Variants in CTBP2 observed in about 807,000 individuals in gnomAD.
CTBP2 encodes C-terminal-binding protein 2.
Under a neutral mutation model 80.3 loss-of-function variants are expected in CTBP2, and 30 were observed. The observed-to-expected ratio is 0.37, with a 90% CI of 0.28 to 0.51. The LOEUF (loss-of-function observed/expected upper bound fraction) is 0.51. Ranked by LOEUF, CTBP2 falls within the 20% of genes least tolerant of loss-of-function variation. The pLI, the probability that CTBP2 is intolerant of heterozygous loss-of-function variation, is 0.93. For synonymous variants in CTBP2, 594 were observed against 587.4 expected, an observed-to-expected ratio of 1.01 and a Z score of -0.16; for missense variants, 1,212 against 1,375.3, an observed-to-expected ratio of 0.88 and a Z score of 1.88.
At position 125,002,981 on chromosome 10, in the gene CTBP2, T is replaced by G. The variant is rs1455608344; in HGVS notation, c.1957A>C (p.Ile653Leu). 1 of 1,613,420 alleles carries G rather than the reference T, an allele frequency of 6.2e-7. No individual in the cohort carries two copies. The highest frequency in any genetic ancestry group is 8.5e-7 in the Non-Finnish European group (1 of 1,179,956). Reference sequence around the variant, plus strand: ...TCACCGAGCTCGCCGGCAGCCTTGATGTCCACGTTGTCATAGCCACTGCCT... The same window carrying G: ...TCACCGAGCTCGCCGGCAGCCTTGAGGTCCACGTTGTCATAGCCACTGCCT... Residue 653 changes from isoleucine (I) to leucine (L), a missense_variant, in exon 3 of 9, where the codon ATC becomes CTC. This residue lies in a region of CTBP2 where 335 missense variants were observed against 504.7 expected (regional missense o/e 0.66). Transcript: ENST00000309035.
At chr10:124,992,190 C>T (rs1322480481) in intron 8 of CTBP2, among the ~76,000 whole-genome samples, 1 of 142,746 alleles carries the variant, frequency 7.0e-6, no homozygotes, top group Non-Finnish European at 1.5e-5. Flanking sequence ...TCTACGTATA[C>T]CTTTCTCTTT....
intron 2 of CTBP2, among the ~76,000 whole-genome samples, chr10:125,048,676 T>A (rs1961882277): frequency 6.6e-6 from 1 of 152,080 alleles, no homozygotes; most frequent in African/African-American, 2.4e-5. Flanking sequence ...AAATGATTTT[T>A]CCATTACGTC....
In CTBP2 at chr10:124,998,076, C is replaced by A; in HGVS notation, c.2073G>T (p.Trp691Cys). ...TGCCTTCCCGCAGTGCCTGGTACAG[C>A]CACGTGTTCCTCCGGTACAGGTTGA... The change falls in exon 4 of 9, where the codon TGG (tryptophan) becomes TGT (cysteine). Residue 691 changes from tryptophan to cysteine, a missense_variant. By Grantham distance (215) the Trp-to-Cys change is radical (BLOSUM62 -2). This residue lies in a region of CTBP2 where 335 missense variants were observed against 504.7 expected (regional missense o/e 0.66). Transcript: ENST00000309035. 6.2e-7 allele frequency: 1 copy of A among 1,613,052 alleles called. No homozygotes were observed.
chr10:125,015,946 C>A (rs1189797272), intron 1 of CTBP2, among the ~76,000 whole-genome samples: 1 of 152,204 alleles, frequency 6.6e-6, no homozygotes, highest in African/African-American at 2.4e-5. Flanking sequence ...TCTAAAAAGG[C>A]CACAGGCAAC....
intron 1 of CTBP2, among the ~76,000 whole-genome samples, chr10:125,153,901 C>T (rs766101745): frequency 7.9e-5 from 12 of 152,160 alleles, no homozygotes; most frequent in African/African-American, 1.9e-4. Flanking sequence ...AGCACAGCCA[C>T]GATAAGCTGG....
chr10:125,100,131 A>G (rs886386170), intron 2 of CTBP2, among the ~76,000 whole-genome samples: 7 of 152,360 alleles, frequency 4.6e-5, no homozygotes, highest in Non-Finnish European at 7.3e-5. Context: ...ATCAATTAGC[A>G]TATTATAAAG....
intron 1 of CTBP2, among the ~76,000 whole-genome samples, chr10:125,137,705 T>A (rs1344459675): frequency 6.6e-6 from 1 of 152,246 alleles, no homozygotes; most frequent in Non-Finnish European, 1.5e-5. Flanking sequence ...CACAGGGAAT[T>A]CCTTTCAACA....
At chr10:125,111,302 C>A (rs1395839893) in intron 1 of CTBP2, among the ~76,000 whole-genome samples, 1 of 152,152 alleles carries the variant, frequency 6.6e-6, no homozygotes, top group Admixed American at 6.5e-5. Flanking sequence ...CAAATGAACC[C>A]TTTCCATCTA....
chr10:125,129,873 AC>A (rs2136117444), intron 1 of CTBP2, among the ~76,000 whole-genome samples: 1 of 152,200 alleles, frequency 6.6e-6, no homozygotes, highest in South Asian at 2.1e-4. Flanking sequence ...GGTCCAGGAC[AC>A]GGTCAGGGTT....
chr10:125,067,197 G>A (rs1844780577), intron 2 of CTBP2, among the ~76,000 whole-genome samples: 1 of 152,188 alleles, frequency 6.6e-6, no homozygotes, highest in Non-Finnish European at 1.5e-5. Context: ...ACAAACTGCA[G>A]TAGAGGGACA....
chr10:125,018,720 G>A (rs1007170039), intron 1 of CTBP2, among the ~76,000 whole-genome samples: 4 of 152,228 alleles, frequency 2.6e-5, no homozygotes, highest in African/African-American at 9.6e-5. Context: ...TGGGGTAGGT[G>A]CACCCCACCA....
intron 2 of CTBP2, among the ~76,000 whole-genome samples, chr10:125,098,762 G>GAC (rs1850123045): frequency 1.8e-4 from 23 of 128,182 alleles, no homozygotes; most frequent in African/African-American, 6.5e-4. Flanking sequence ...GAGAGAGAGA[G>GAC]AGAGAGAGAG....
intron 2 of CTBP2, among the ~76,000 whole-genome samples, chr10:125,043,404 T>C (rs1960394599): frequency 6.6e-6 from 1 of 152,162 alleles, no homozygotes; most frequent in African/African-American, 2.4e-5. Flanking sequence ...ATCAACTCAG[T>C]TTTATAGACC....
In CTBP2 at chr10:125,066,811, G is replaced by T. The variant is rs189943672; in HGVS notation, c.-101-27656C>A. Among the ~76,000 whole-genome samples the T allele has an allele frequency of 1.4e-4, 22 of 152,240 alleles. No homozygotes were observed. Among genetic ancestry groups the T allele is most frequent in the Admixed American group, 4.6e-4 (7 of 15,288 alleles). Reference sequence around the variant, plus strand: ...CAAAAAAGGAACTAGCCCATGTGTCGATCAGTAAATGCCTCAGGGTGAACT... The same window carrying T: ...CAAAAAAGGAACTAGCCCATGTGTCTATCAGTAAATGCCTCAGGGTGAACT... On this transcript the variant is annotated intron_variant, in intron 2 of 10. Transcript: ENST00000337195. The surrounding 1 kb of genome is among the most constrained non-coding windows in gnomAD (Gnocchi z 4.1).
intron 1 of CTBP2, among the ~76,000 whole-genome samples, chr10:125,004,343 C>A (rs1388005767): frequency 1.3e-5 from 2 of 152,196 alleles, no homozygotes; most frequent in Non-Finnish European, 2.9e-5. Context: ...CCTGCGGGGC[C>A]CGCCCAGGAT....
At chr10:125,090,493 T>C (rs967288138) in intron 2 of CTBP2, among the ~76,000 whole-genome samples, 7 of 149,458 alleles carry the variant, frequency 4.7e-5, no homozygotes, top group African/African-American at 1.5e-4. Flanking sequence ...GCCAGCGTGG[T>C]GGCTCACACC....
intron 4 of CTBP2, 187 bp downstream of exon 6, chr10:124,997,777 G>GC: frequency 1.6e-6 from 1 of 611,476 alleles, no homozygotes; most frequent in South Asian, 2.0e-5. Context: ...CCCAGATCCT[G>GC]CCTCTAGGGT....
chr10:125,006,046 G>A, intron 1 of CTBP2: 1 of 1,365,254 alleles, frequency 7.3e-7, no homozygotes, highest in Non-Finnish European at 9.5e-7. Flanking sequence ...TCAGTGCATG[G>A]ATCCGTTACC....
At chr10:125,052,116 A>G (rs1962922778) in intron 2 of CTBP2, among the ~76,000 whole-genome samples, 1 of 152,112 alleles carries the variant, frequency 6.6e-6, no homozygotes, top group South Asian at 2.1e-4. Flanking sequence ...GCTCGCACCT[A>G]TCGGTGGGGG....
Sources: allele counts gnomAD v4.1 joint callset (sites outside exome capture counted in the v4.1 genomes callset), GRCh38; gene constraint gnomAD v4.1.1; regional missense constraint gnomAD v4.1.1; non-coding constraint Gnocchi (gnomAD v3.1); transcripts MANE v1.5; gene names NCBI Gene and HGNC (gene_info 2026-07-23, HGNC 2026-07-21).